The following EDA variants were observed in gnomAD, a reference collection of about 807,000 sequenced individuals.
EDA encodes the protein ectodysplasin A, also known as ectodysplasin-A.
A neutral mutation model predicts 23.6 loss-of-function variants in EDA; 2 were observed. The ratio of observed to expected loss-of-function variants is 0.08; its 90% confidence interval spans 0.03 to 0.27. EDA has a LOEUF of 0.27. Ranked by LOEUF, EDA falls within the 10% of genes least tolerant of loss-of-function variation. The pLI is 1.00. For missense variants in EDA, 229 were observed against 324.2 expected, an observed-to-expected ratio of 0.71 and a Z score of 2.26; for synonymous variants, 131 against 132.0, an observed-to-expected ratio of 0.99 and a Z score of 0.05.
chrX:69,705,410 C>G lies in EDA; in HGVS notation c.396+88706C>G, dbSNP rs371037924. Among the ~76,000 whole-genome samples, 14 of 111,050 alleles carry G rather than the reference C, an allele frequency of 1.3e-4. No individual in the cohort carries two copies. The South Asian group carries it at 3.8e-3, about 30-fold the overall frequency. ...TCCATCGCAACCAGACAAACCTTGT[C>G]ACAACATCATCTATTCTCTAAGGGG... On this transcript the variant is annotated intron_variant, in intron 1 of 7. Transcript: ENST00000374552.
chrX:69,657,183 A>G (rs1933347180), intron 1 of EDA, among the ~76,000 whole-genome samples: 1 of 111,659 alleles, frequency 9.0e-6, no homozygotes, highest in South Asian at 3.7e-4. Flanking sequence ...TTTATAATAA[A>G]AGCTATTCCG....
At chrX:69,642,694 G>A (rs1932854473) in intron 1 of EDA, among the ~76,000 whole-genome samples, 1 of 111,317 alleles carries the variant, frequency 9.0e-6, no homozygotes. Context: ...TTAGGTCTAA[G>A]GCAGGAACTT....
intron 1 of EDA, among the ~76,000 whole-genome samples, chrX:69,664,767 ATGC>A (rs946766568): frequency 7.2e-5 from 8 of 111,859 alleles, no homozygotes; most frequent in Non-Finnish European, 1.1e-4. Flanking sequence ...ATTGTGAACA[ATGC>A]TGCAGCGAAC....
Position 69,677,113 on chromosome X carries a change from A to C in EDA, c.396+60409A>C, listed in dbSNP as rs762513881. On this transcript the variant is annotated intron_variant, in intron 1 of 7. Transcript: ENST00000374552. ...TTGTTCTTGCGATAGTTTACTGAGA[A>C]TGATGATTTCCAATTTCATCCATGT... is the stretch of plus-strand genomic sequence containing the variant. Among the ~76,000 whole-genome samples, 663 of 101,541 alleles carry C rather than the reference A, an allele frequency of 6.5e-3. 3 individuals carry two copies. Among genetic ancestry groups the C allele is most frequent in the Non-Finnish European group, 0.011 (573 of 49,999 alleles). 88.2% of individuals were successfully genotyped at this position (101,541 alleles called of 115,157 possible).
chrX:69,635,564 A>ATTTTTT (rs1233151859), intron 1 of EDA, among the ~76,000 whole-genome samples: 3 of 26,962 alleles, frequency 1.1e-4, no homozygotes, highest in Non-Finnish European at 1.5e-4. Context: ...CTAACACCAA[A>ATTTTTT]TCTTTTTTTT....
chrX:69,885,947 G>A (rs1232101675), intron 1 of EDA, among the ~76,000 whole-genome samples: 1 of 111,847 alleles, frequency 8.9e-6, no homozygotes, highest in Non-Finnish European at 1.9e-5. Flanking sequence ...CTTATCTCCA[G>A]CCTTTCTTAG....
At chrX:69,697,630 A>G (rs1458534671) in intron 1 of EDA, among the ~76,000 whole-genome samples, 2 of 111,651 alleles carry the variant, frequency 1.8e-5, no homozygotes, top group East Asian at 2.8e-4. Flanking sequence ...AGTTTCAGCA[A>G]GACTTTTAAT....
intron 1 of EDA, among the ~76,000 whole-genome samples, chrX:69,785,009 T>C (rs2015104035): frequency 9.1e-6 from 1 of 109,434 alleles, no homozygotes; most frequent in South Asian, 4.0e-4. Context: ...GTCCTTCACA[T>C]CCCTTGTAAG....
intron 2 of EDA, among the ~76,000 whole-genome samples, chrX:70,005,394 C>T (rs1253096399): frequency 1.8e-5 from 2 of 110,888 alleles, no homozygotes; most frequent in African/African-American, 6.6e-5. Context: ...TTCGTTTGTT[C>T]ATTCAACAAA....
chrX:69,675,273 G>T (rs888687666), intron 1 of EDA, among the ~76,000 whole-genome samples: 6 of 112,133 alleles, frequency 5.4e-5, no homozygotes, highest in Non-Finnish European at 7.5e-5. Context: ...GAGCCTCCAT[G>T]CCTGGTTTCT....
chrX:69,792,493 G>A (rs1048236240), intron 1 of EDA, among the ~76,000 whole-genome samples: 20 of 111,862 alleles, frequency 1.8e-4, no homozygotes, highest in African/African-American at 6.5e-4. Flanking sequence ...CCAGTAGTGG[G>A]ATTGCTGAAT....
chrX:69,906,919 T>C (rs60684685), intron 1 of EDA, among the ~76,000 whole-genome samples: 2,508 of 112,247 alleles, frequency 0.022, 59 homozygotes, highest in African/African-American at 0.078. Flanking sequence ...TGTGGAAAAG[T>C]TAAAATTGTT....
chrX:69,933,452 C>T lies in EDA; in HGVS notation c.397-23575C>T, dbSNP rs1445667608. ...ATCCCAGCACTTTGGGAGGCCGAGG[C>T]GGGCAGATCATGAGGTCAGGAGTTC... On this transcript the variant is annotated intron_variant, in intron 1 of 7. Coordinates refer to ENST00000374552, the MANE Select transcript of EDA (RefSeq NM_001399.5). 2.7e-5 allele frequency among the ~76,000 whole-genome samples: 3 copies of T among 111,461 alleles called. 1 individual carries two copies. The highest frequency in any genetic ancestry group is 9.5e-5 in the Admixed American group (1 of 10,494).
intron 1 of EDA, among the ~76,000 whole-genome samples, chrX:69,863,491 GTATATATATATATACATATA>G (rs1485675349): frequency 1.1e-5 from 1 of 93,438 alleles, no homozygotes; most frequent in Admixed American, 1.2e-4. Flanking sequence ...GAAGAAAAGT[GTATATATATATATACATATA>G]TATGTATATA....
At chrX:69,740,922 T>C (rs753441097) in intron 1 of EDA, among the ~76,000 whole-genome samples, 49 of 109,731 alleles carry the variant, frequency 4.5e-4, no homozygotes, top group African/African-American at 1.6e-3. Context: ...TCAAATCTAC[T>C]GTTGAACCCC....
chrX:69,650,143 C>T (rs1241231013), intron 1 of EDA, among the ~76,000 whole-genome samples: 2 of 111,891 alleles, frequency 1.8e-5, no homozygotes, highest in African/African-American at 3.2e-5. Flanking sequence ...TTGACTCCCT[C>T]TATGGAATAA....
At chrX:69,955,737 G>C (rs143467465) in intron 1 of EDA, among the ~76,000 whole-genome samples, 2,964 of 111,627 alleles carry the variant, frequency 0.027, 88 homozygotes, top group African/African-American at 0.092. Flanking sequence ...CTCTGCAACT[G>C]TTTTATCTGC....
intron 1 of EDA, among the ~76,000 whole-genome samples, chrX:69,869,974 G>GTA (rs992018700): frequency 1.7e-4 from 19 of 111,640 alleles, no homozygotes; most frequent in African/African-American, 5.2e-4. Context: ...TCAGTCAAGG[G>GTA]TATAGCTTCT....
intron 1 of EDA, among the ~76,000 whole-genome samples, chrX:69,767,618 G>A (rs1367772459): frequency 2.7e-5 from 3 of 111,541 alleles, no homozygotes; most frequent in African/African-American, 9.8e-5. Context: ...CCTTTCAACT[G>A]TTGATAAACA....
Sources: gnomAD v4.1 joint callset for allele counts (sites outside exome capture counted in the v4.1 genomes callset) on GRCh38, gnomAD v4.1.1 for gene constraint, MANE v1.5 for transcripts, NCBI Gene and HGNC (gene_info 2026-07-23, HGNC 2026-07-21) for gene names.